The following MRAS variants were observed in gnomAD, a reference collection of about 807,000 sequenced individuals.
The protein encoded by MRAS is ras-related protein M-Ras.
MRAS carries 4 observed loss-of-function variants against 20.9 expected under a neutral mutation model. That is an observed-to-expected ratio of 0.19 (90% CI 0.09 to 0.44). The LOEUF is 0.44. Among genes scored for constraint, MRAS ranks in the 20% least tolerant of loss-of-function variants. The pLI is 0.99. For missense variants in MRAS, 154 were observed against 277.5 expected, an observed-to-expected ratio of 0.56 and a Z score of 3.16; for synonymous variants, 98 against 102.9, an observed-to-expected ratio of 0.95 and a Z score of 0.29.
intron 1 of MRAS, among the ~76,000 whole-genome samples, chr3:138,365,386 T>C (rs2054538861): frequency 6.6e-6 from 1 of 152,214 alleles, no homozygotes; most frequent in African/African-American, 2.4e-5. Context: ...AAGACCCAGT[T>C]ATTGACAGTT....
intron 2 of MRAS, among the ~76,000 whole-genome samples, chr3:138,376,669 T>C (rs1223990376): frequency 6.6e-6 from 1 of 152,250 alleles, no homozygotes; most frequent in Non-Finnish European, 1.5e-5. Context: ...TAAAATCATT[T>C]CATGCATCAC....
At chr3:138,364,311 A>G (rs1006587811) in intron 1 of MRAS, among the ~76,000 whole-genome samples, 1 of 152,156 alleles carries the variant, frequency 6.6e-6, no homozygotes, top group Admixed American at 6.5e-5. Context: ...CTTGGGATGG[A>G]CTTCAAAGAA....
chr3:138,351,488 A>G (rs1019226747), intron 1 of MRAS, among the ~76,000 whole-genome samples: 1 of 152,188 alleles, frequency 6.6e-6, no homozygotes, highest in East Asian at 1.9e-4. Context: ...CCCATTGTCT[A>G]GGGACTCAGC....
chr3:138,372,863 C>A lies in MRAS; in HGVS notation c.-18-3C>A. ...TCTCATTCCACATGTCTTGCTGCCG[C>A]AGGTCTGACCTACGAGAAACATGGC... is the stretch of plus-strand genomic sequence containing the variant. On this transcript the variant is annotated splice_region_variant and splice_polypyrimidine_tract_variant and intron_variant, in intron 1 of 5. Coordinates refer to ENST00000423968, the MANE Select transcript of MRAS (RefSeq NM_001085049.3). 2 of 1,506,818 alleles carry A rather than the reference C, an allele frequency of 1.3e-6. No homozygotes were observed. Among genetic ancestry groups the A allele is most frequent in the Non-Finnish European group, 1.8e-6 (2 of 1,138,398 alleles). 93.3% of individuals were successfully genotyped at this position (1,506,818 alleles called of 1,614,324 possible).
chr3:138,391,913 G>A (rs895622798), intron 2 of MRAS, among the ~76,000 whole-genome samples: 3 of 152,208 alleles, frequency 2.0e-5, no homozygotes, highest in Admixed American at 2.0e-4. Flanking sequence ...GCCGAGGCAG[G>A]TGGATCACGA....
intron 1 of MRAS, among the ~76,000 whole-genome samples, chr3:138,369,848 G>A (rs2054637621): frequency 6.6e-6 from 1 of 152,216 alleles, no homozygotes; most frequent in South Asian, 2.1e-4. Flanking sequence ...GCTGTGGGTG[G>A]TCTGAGTGCC....
At chr3:138,362,505 C>G (rs867287540) in intron 1 of MRAS, among the ~76,000 whole-genome samples, 1 of 152,104 alleles carries the variant, frequency 6.6e-6, no homozygotes, top group Non-Finnish European at 1.5e-5. Context: ...TGGAGCACTT[C>G]GAGTTTGTCC....
intron 1 of MRAS, among the ~76,000 whole-genome samples, chr3:138,367,732 C>T (rs1035994819): frequency 1.3e-5 from 2 of 152,142 alleles, no homozygotes; most frequent in South Asian, 4.1e-4. Context: ...CCGTGAGAGG[C>T]AAAGGAATGA....
chr3:138,360,345 C>CGGT (rs1029680148), intron 1 of MRAS, among the ~76,000 whole-genome samples: 2 of 152,218 alleles, frequency 1.3e-5, no homozygotes, highest in Non-Finnish European at 2.9e-5. Context: ...TTCTCCTGGG[C>CGGT]TTACCAGATT....
chr3:138,366,110 G>A (rs548778306), intron 1 of MRAS, among the ~76,000 whole-genome samples: 12 of 152,324 alleles, frequency 7.9e-5, no homozygotes, highest in Admixed American at 2.0e-4. Flanking sequence ...ACCCCTCTGG[G>A]GTCACATGCC....
intron 2 of MRAS, among the ~76,000 whole-genome samples, chr3:138,373,540 A>G (rs1308521828): frequency 2.0e-5 from 3 of 152,236 alleles, no homozygotes; most frequent in African/African-American, 7.2e-5. Flanking sequence ...CAGCCAGGCC[A>G]GCAGTAGCCG....
intron 1 of MRAS, among the ~76,000 whole-genome samples, chr3:138,363,818 T>TCCCC (rs1460751105): frequency 1.5e-5 from 1 of 65,386 alleles, no homozygotes; most frequent in Non-Finnish European, 3.1e-5. Flanking sequence ...TTAGAGGATT[T>TCCCC]ACCCCCCCCC....
chr3:138,396,741 C>T (rs988762582), intron 2 of MRAS, among the ~76,000 whole-genome samples: 13 of 152,074 alleles, frequency 8.5e-5, no homozygotes, highest in Non-Finnish European at 1.8e-4. Flanking sequence ...TGAGGGGCCG[C>T]TCCTCCCCCA....
At chr3:138,361,535 G>C (rs2054447420) in intron 1 of MRAS, among the ~76,000 whole-genome samples, 1 of 152,218 alleles carries the variant, frequency 6.6e-6, no homozygotes, top group African/African-American at 2.4e-5. Flanking sequence ...TTGGGGCAGA[G>C]AGGTGGGCAA....
chr3:138,374,449 A>C (rs971666806), intron 2 of MRAS, among the ~76,000 whole-genome samples: 1 of 152,178 alleles, frequency 6.6e-6, no homozygotes, highest in East Asian at 1.9e-4. Context: ...AACTTTGCTA[A>C]ACTCAGTTAC....
At chr3:138,365,688 G>C (rs1285083908) in intron 1 of MRAS, among the ~76,000 whole-genome samples, 1 of 152,224 alleles carries the variant, frequency 6.6e-6, no homozygotes, top group Non-Finnish European at 1.5e-5. Context: ...TGGCCACTAA[G>C]TGGGATATTT....
At chr3:138,398,174 CAA>C (rs1488294556) in intron 3 of MRAS, among the ~76,000 whole-genome samples, 3 of 152,178 alleles carry the variant, frequency 2.0e-5, no homozygotes, top group Non-Finnish European at 2.9e-5. Flanking sequence ...CTGAGTGACC[CAA>C]GAGATGGGAA....
intron 1 of MRAS, among the ~76,000 whole-genome samples, chr3:138,370,583 C>G (rs188545671): frequency 6.6e-6 from 1 of 152,214 alleles, no homozygotes; most frequent in Admixed American, 6.5e-5. Flanking sequence ...CAGCCCGTCC[C>G]GTGTTGTAGG....
At chr3:138,363,794 T>C (rs1258502534) in intron 1 of MRAS, among the ~76,000 whole-genome samples, 2 of 143,446 alleles carry the variant, frequency 1.4e-5, no homozygotes, top group Non-Finnish European at 3.0e-5. Context: ...ACCTTTCTCA[T>C]GTCATGTGAC....
Sources: gnomAD v4.1 joint callset for allele counts (sites outside exome capture counted in the v4.1 genomes callset) on GRCh38, gnomAD v4.1.1 for gene constraint, MANE v1.5 for transcripts, NCBI Gene and HGNC (gene_info 2026-07-23, HGNC 2026-07-21) for gene names.